Variants in PCSK2 observed in about 807,000 individuals in gnomAD.
PCSK2 encodes the protein proprotein convertase subtilisin/kexin type 2, also known as neuroendocrine convertase 2.
Under a neutral mutation model 69.7 loss-of-function variants are expected in PCSK2, and 14 were observed. The ratio of observed to expected loss-of-function variants is 0.20; its 90% CI spans 0.13 to 0.31. The LOEUF is 0.31. Among genes scored for constraint, PCSK2 ranks in the 10% least tolerant of loss-of-function variants. The pLI is 1.00. For missense variants in PCSK2, 544 were observed against 842.5 expected (o/e 0.65, Z 4.39); for synonymous variants, 307 against 320.7 (o/e 0.96, Z 0.46).
At chr20:17,417,519 C>T (rs749665092) in intron 6 of PCSK2, among the ~76,000 whole-genome samples, 22 of 152,178 alleles carry the variant, frequency 1.4e-4, no homozygotes, top group Non-Finnish European at 2.8e-4. Context: ...ATTACAAAGA[C>T]TGGATGATGC....
intron 8 of PCSK2, among the ~76,000 whole-genome samples, chr20:17,447,373 A>G (rs559795980): frequency 7.9e-5 from 12 of 152,278 alleles, no homozygotes; most frequent in African/African-American, 2.9e-4. Context: ...ACAAATGAGC[A>G]GGAAAGACAC....
At chr20:17,380,453 C>G (rs1489422325) in intron 5 of PCSK2, among the ~76,000 whole-genome samples, 20 of 152,214 alleles carry the variant, frequency 1.3e-4, no homozygotes, top group Non-Finnish European at 1.5e-5. Context: ...TTGGGCCAGC[C>G]TCGCTGAATT....
intron 1 of PCSK2, among the ~76,000 whole-genome samples, chr20:17,257,395 C>G (rs1987220373): frequency 6.6e-6 from 1 of 152,148 alleles, no homozygotes; most frequent in African/African-American, 2.4e-5. Context: ...ACCAGAAATA[C>G]CATTTGACCC....
At chr20:17,445,852 G>A (rs962326595) in intron 8 of PCSK2, among the ~76,000 whole-genome samples, 1 of 152,234 alleles carries the variant, frequency 6.6e-6, no homozygotes, top group South Asian at 2.1e-4. Context: ...AGCTGGTGCC[G>A]TTACCGTCCT....
At chr20:17,367,778 G>A (rs6034803) in intron 4 of PCSK2, among the ~76,000 whole-genome samples, 5 of 152,294 alleles carry the variant, frequency 3.3e-5, no homozygotes, top group East Asian at 1.9e-4. Context: ...GATTACAGGC[G>A]TGAGCCACCA....
intron 2 of PCSK2, among the ~76,000 whole-genome samples, chr20:17,321,708 C>A (rs1600489599): frequency 6.6e-6 from 1 of 152,142 alleles, no homozygotes. Context: ...AGATTCCCAC[C>A]AACTGCCATC....
chr20:17,250,337 G>A (rs949379979), intron 1 of PCSK2, among the ~76,000 whole-genome samples: 2 of 152,142 alleles, frequency 1.3e-5, no homozygotes, highest in Admixed American at 1.3e-4. Flanking sequence ...TCAGTTATGA[G>A]TTTGTCTGAT....
chr20:17,455,311 C>T (rs1480239322), intron 9 of PCSK2, among the ~76,000 whole-genome samples: 4 of 152,168 alleles, frequency 2.6e-5, no homozygotes, highest in Non-Finnish European at 5.9e-5. Context: ...ATCCTACAGA[C>T]AGAGGAAGAA....
At chr20:17,384,935 T>C (rs955016928) in intron 5 of PCSK2, among the ~76,000 whole-genome samples, 3 of 152,072 alleles carry the variant, frequency 2.0e-5, no homozygotes, top group African/African-American at 7.2e-5. Flanking sequence ...CTCAAAAAAA[T>C]AAGAAAAAGT....
intron 2 of PCSK2, among the ~76,000 whole-genome samples, chr20:17,303,529 T>TAA: frequency 2.4e-5 from 1 of 41,690 alleles, no homozygotes; most frequent in Non-Finnish European, 4.5e-5. Context: ...ATAATATATA[T>TAA]TATATTATAT....
At chr20:17,294,098 CT>C (rs34805695) in intron 2 of PCSK2, among the ~76,000 whole-genome samples, 8,125 of 73,868 alleles carry the variant, frequency 0.11, 187 homozygotes, top group East Asian at 0.33. Context: ...AAAGTATTTT[CT>C]TTTTTTTTTT....
At chr20:17,300,196 A>G (rs1267236172) in intron 2 of PCSK2, among the ~76,000 whole-genome samples, 3 of 152,214 alleles carry the variant, frequency 2.0e-5, no homozygotes, top group Admixed American at 2.0e-4. Context: ...GCCATGAGTT[A>G]GCCCCAGCAG....
At chr20:17,236,753 A>G (rs968610729) in intron 1 of PCSK2, among the ~76,000 whole-genome samples, 4 of 152,196 alleles carry the variant, frequency 2.6e-5, no homozygotes, top group African/African-American at 9.6e-5. Context: ...ATGAAAAAGG[A>G]GCTGTCTCAG....
At chr20:17,444,072 G>A (rs2032649717) in intron 8 of PCSK2, among the ~76,000 whole-genome samples, 1 of 152,188 alleles carries the variant, frequency 6.6e-6, no homozygotes, top group Non-Finnish European at 1.5e-5. Context: ...TTGTGCATTA[G>A]CGAAGGTTTT....
intron 10 of PCSK2, among the ~76,000 whole-genome samples, chr20:17,461,333 A>G (rs1424119258): frequency 1.3e-5 from 2 of 152,186 alleles, no homozygotes; most frequent in Non-Finnish European, 2.9e-5. Flanking sequence ...CTTTGAAATT[A>G]TTTTTTAATC....
intron 2 of PCSK2, among the ~76,000 whole-genome samples, chr20:17,308,691 G>A (rs570378799): frequency 6.6e-6 from 1 of 152,290 alleles, no homozygotes; most frequent in South Asian, 2.1e-4. Flanking sequence ...AGCTAGGTGG[G>A]TGTCTCATAC....
intron 2 of PCSK2, among the ~76,000 whole-genome samples, chr20:17,268,033 G>GTGTATA (rs1555783164): frequency 1.5e-5 from 1 of 66,340 alleles, no homozygotes; most frequent in Non-Finnish European, 2.9e-5. Context: ...TATCCAATGT[G>GTGTATA]TATATATATA....
intron 4 of PCSK2, among the ~76,000 whole-genome samples, chr20:17,362,529 C>CCTTT (rs1600522222): frequency 6.6e-6 from 1 of 152,292 alleles, no homozygotes; most frequent in East Asian, 1.9e-4. Context: ...GCTGAAAAGG[C>CCTTT]TCAGCCTCCC....
chr20:17,403,014 A>G (rs1249725664), intron 5 of PCSK2, among the ~76,000 whole-genome samples: 1 of 152,180 alleles, frequency 6.6e-6, no homozygotes, highest in African/African-American at 2.4e-5. Context: ...GCCACCCAGG[A>G]CACAACTGTG....
Sources: gnomAD v4.1 joint callset for allele counts (sites outside exome capture counted in the v4.1 genomes callset) on GRCh38, gnomAD v4.1.1 for gene constraint, MANE v1.5 for transcripts, NCBI Gene and HGNC (gene_info 2026-07-23, HGNC 2026-07-21) for gene names.